MYRIP: variants seen among roughly 807,000 people sequenced by gnomAD.
MYRIP encodes the protein myosin VIIA and Rab interacting protein.
A neutral mutation model predicts 98.0 loss-of-function variants in MYRIP; 49 were observed. That is an observed-to-expected ratio of 0.50 (90% CI 0.40 to 0.63). The LOEUF (loss-of-function observed/expected upper bound fraction) is 0.63. MYRIP is among the 30% of genes least tolerant of loss of function. The pLI is 0.00. For synonymous variants in MYRIP, 404 were observed against 409.5 expected (o/e 0.99, Z 0.16); for missense variants, 1,004 against 1,058.2 (o/e 0.95, Z 0.71).
rs370460630 is a variant in MYRIP, at chr3:40,240,382, G to A, written c.2101-4064G>A. Among the ~76,000 whole-genome samples, 154 of 152,260 alleles carry A rather than the reference G, an allele frequency of 1.0e-3. 1 individual carries two copies. Among genetic ancestry groups the A allele is most frequent in the African/African-American group, 3.0e-3 (123 of 41,550 alleles). On this transcript the variant is annotated intron_variant, in intron 12 of 16. Transcript: ENST00000302541. ...TTTCTGCATTTCCGTCTGAGGTACC[G>A]GGTTCATCTCACTAGGGAGTGCCAG...
intron 2 of MYRIP, among the ~76,000 whole-genome samples, chr3:40,031,982 A>G: frequency 6.6e-6 from 1 of 151,648 alleles, no homozygotes; most frequent in Non-Finnish European, 1.5e-5. Flanking sequence ...TTGTGTCTCT[A>G]TTTCCTTCAG....
intron 2 of MYRIP, among the ~76,000 whole-genome samples, chr3:40,014,209 G>T (rs1011728351): frequency 1.3e-5 from 2 of 152,104 alleles, no homozygotes; most frequent in Non-Finnish European, 2.9e-5. Flanking sequence ...TGAGTGATTT[G>T]TAAACATTTC....
chr3:40,189,792 C>CCCTCTCTGCTTTCTCTA (rs2125629124), intron 9 of MYRIP, 34 bp from the exon 10 acceptor site: 1 of 1,555,088 alleles, frequency 6.4e-7, no homozygotes, highest in East Asian at 2.3e-5. Flanking sequence ...TGATAACAGC[C>CCCTCTCTGCTTTCTCTA]CCTCTCTGCT....
intron 11 of MYRIP, among the ~76,000 whole-genome samples, chr3:40,219,093 A>C (rs925300728): frequency 6.6e-6 from 1 of 152,224 alleles, no homozygotes; most frequent in Admixed American, 6.5e-5. Context: ...AGATTAACAA[A>C]TTATGTAGCA....
intron 10 of MYRIP, among the ~76,000 whole-genome samples, chr3:40,202,397 A>C (rs1055108805): frequency 1.3e-5 from 2 of 152,124 alleles, no homozygotes; most frequent in African/African-American, 4.8e-5. Flanking sequence ...GGAGAAAAAA[A>C]TGTTTTTAAT....
chr3:39,972,753 TC>T (rs995253862), intron 2 of MYRIP, among the ~76,000 whole-genome samples: 2 of 151,002 alleles, frequency 1.3e-5, no homozygotes, highest in African/African-American at 2.5e-5. Context: ...TTGTTTTTTT[TC>T]CCCCTTTCAA....
chr3:40,063,846 G>A (rs1354117376), intron 3 of MYRIP, among the ~76,000 whole-genome samples: 2 of 152,116 alleles, frequency 1.3e-5, no homozygotes, highest in Non-Finnish European at 2.9e-5. Context: ...GTCTGTGCAT[G>A]GGTGGTTGTG....
At chr3:40,174,568 T>A (rs552761991) in intron 8 of MYRIP, 6 of 152,384 alleles carry the variant, frequency 3.9e-5, no homozygotes, top group Admixed American at 1.3e-4. Flanking sequence ...TTGTCTGTGG[T>A]CACGTGTGTT....
chr3:39,890,779 C>G (rs1320587256), intron 1 of MYRIP, among the ~76,000 whole-genome samples: 1 of 151,812 alleles, frequency 6.6e-6, no homozygotes, highest in African/African-American at 2.4e-5. Context: ...TATGCCTTCT[C>G]TGTGTATGAT....
At chr3:39,850,362 A>G (rs1281722541) in intron 1 of MYRIP, among the ~76,000 whole-genome samples, 2 of 152,220 alleles carry the variant, frequency 1.3e-5, no homozygotes, top group Non-Finnish European at 2.9e-5. Flanking sequence ...TTATTCTAAA[A>G]GTGAAAATGT....
intron 3 of MYRIP, among the ~76,000 whole-genome samples, chr3:40,085,985 GAT>G (rs1948617210): frequency 6.6e-6 from 1 of 152,154 alleles, no homozygotes; most frequent in Admixed American, 6.5e-5. Flanking sequence ...ATAAGGGACA[GAT>G]ATGTGTTATA....
intron 1 of MYRIP, among the ~76,000 whole-genome samples, chr3:39,897,476 T>C (rs934194369): frequency 3.9e-5 from 6 of 152,214 alleles, no homozygotes; most frequent in African/African-American, 1.4e-4. Context: ...ATCCTCTCTG[T>C]TGTCATGTTG....
chr3:40,025,576 T>C (rs920723186), intron 2 of MYRIP, among the ~76,000 whole-genome samples: 1 of 152,192 alleles, frequency 6.6e-6, no homozygotes, highest in Non-Finnish European at 1.5e-5. Flanking sequence ...CCATGAGGTA[T>C]TGGGGGAACC....
At chr3:39,907,591 G>A (rs558860705) in intron 2 of MYRIP, among the ~76,000 whole-genome samples, 1 of 152,300 alleles carries the variant, frequency 6.6e-6, no homozygotes, top group South Asian at 2.1e-4. Flanking sequence ...AGTTTCTGAT[G>A]ATCAGCAGGA....
intron 1 of MYRIP, among the ~76,000 whole-genome samples, chr3:39,888,108 G>A (rs1943361854): frequency 6.6e-6 from 1 of 151,968 alleles, no homozygotes; most frequent in South Asian, 2.1e-4. Context: ...ACTTCCCAAG[G>A]TAATTTACAG....
intron 2 of MYRIP, among the ~76,000 whole-genome samples, chr3:39,975,538 A>C (rs1945726095): frequency 6.6e-6 from 1 of 151,914 alleles, no homozygotes; most frequent in South Asian, 2.1e-4. Context: ...ACAGAATTGG[A>C]AGAAAACTAC....
intron 2 of MYRIP, among the ~76,000 whole-genome samples, chr3:40,034,600 T>C (rs1026562063): frequency 6.7e-6 from 1 of 150,062 alleles, no homozygotes; most frequent in Non-Finnish European, 1.5e-5. Flanking sequence ...TGTGGAGAAA[T>C]AGGAACACTT....
intron 3 of MYRIP, among the ~76,000 whole-genome samples, chr3:40,101,828 G>A (rs916027337): frequency 2.6e-5 from 4 of 151,584 alleles, no homozygotes; most frequent in African/African-American, 4.9e-5. Flanking sequence ...TATCTTTAAC[G>A]ATAGCAACTT....
chr3:40,174,539 A>G (rs1950705171), intron 8 of MYRIP: 1 of 152,232 alleles, frequency 6.6e-6, no homozygotes, highest in South Asian at 2.1e-4. Flanking sequence ...AGAAGCTGCT[A>G]TTATCAGCGC....
Sources: allele counts gnomAD v4.1 joint callset (sites outside exome capture counted in the v4.1 genomes callset), GRCh38; gene constraint gnomAD v4.1.1; transcripts MANE v1.5; gene names NCBI Gene and HGNC (gene_info 2026-07-23, HGNC 2026-07-21).